The following LHFPL6 variants were observed in gnomAD, a reference collection of about 807,000 sequenced individuals.
The protein encoded by LHFPL6 is LHFPL tetraspan subfamily member 6.
In LHFPL6, 9 loss-of-function variants were observed where a neutral mutation model predicts 20.6. The ratio of observed to expected loss-of-function variants is 0.44; its 90% CI spans 0.26 to 0.76. LHFPL6 has a LOEUF of 0.76. LHFPL6 is among the 30% of genes least tolerant of loss of function. The pLI is 0.20. For synonymous variants in LHFPL6, 105 were observed against 98.7 expected, an observed-to-expected ratio of 1.06 and a Z score of -0.38; for missense variants, 218 against 253.5, an observed-to-expected ratio of 0.86 and a Z score of 0.95.
intron 2 of LHFPL6, among the ~76,000 whole-genome samples, chr13:39,400,558 C>A (rs972872347): frequency 6.6e-6 from 1 of 151,660 alleles, no homozygotes; most frequent in East Asian, 1.9e-4. Context: ...CCGAGGCGGG[C>A]GGATCACGAG....
At chr13:39,542,995 C>T (rs958103057) in intron 2 of LHFPL6, among the ~76,000 whole-genome samples, 23 of 152,274 alleles carry the variant, frequency 1.5e-4, no homozygotes, top group Non-Finnish European at 2.9e-4. Flanking sequence ...AAACTCTGTA[C>T]CAGTTAAACA....
At chr13:39,551,584 T>C (rs1338059022) in intron 2 of LHFPL6, among the ~76,000 whole-genome samples, 1 of 152,222 alleles carries the variant, frequency 6.6e-6, no homozygotes, top group South Asian at 2.1e-4. Flanking sequence ...CTAGCTCCAC[T>C]GCCTTCCCTT....
chr13:39,546,324 T>C (rs1593357652), intron 2 of LHFPL6, among the ~76,000 whole-genome samples: 1 of 152,152 alleles, frequency 6.6e-6, no homozygotes, highest in South Asian at 2.1e-4. Flanking sequence ...TGATCCTTTA[T>C]AAAAATGTAG....
At chr13:39,407,737 G>T (rs982943407) in intron 2 of LHFPL6, among the ~76,000 whole-genome samples, 24 of 152,258 alleles carry the variant, frequency 1.6e-4, no homozygotes, top group African/African-American at 5.3e-4. Context: ...TCATATACAA[G>T]TACACAGAAC....
At chr13:39,593,467 A>T (rs946264920) in intron 2 of LHFPL6, among the ~76,000 whole-genome samples, 30 of 152,198 alleles carry the variant, frequency 2.0e-4, no homozygotes, top group African/African-American at 6.5e-4. Context: ...ATAAAAGAGG[A>T]TACAAACAAA....
chr13:39,568,088 T>A (rs1479523186), intron 2 of LHFPL6, among the ~76,000 whole-genome samples: 2 of 152,326 alleles, frequency 1.3e-5, no homozygotes, highest in South Asian at 2.1e-4. Context: ...CTTGCCAATG[T>A]TAAATACCAT....
At position 39,354,507 on chromosome 13, in the gene LHFPL6, G is replaced by A. The variant is rs144343610; in HGVS notation, c.485-10453C>T. On this transcript the variant is annotated intron_variant, in intron 3 of 3. Coordinates refer to ENST00000379589, the MANE Select transcript of LHFPL6 (RefSeq NM_005780.3). Reference sequence around the variant, plus strand: ...AGGGTCTCCTTACTTCCAAATGACCGTACTAGCTCTCCGGAAATGGTTGCT... The same window carrying A: ...AGGGTCTCCTTACTTCCAAATGACCATACTAGCTCTCCGGAAATGGTTGCT... 9.6e-3 allele frequency among the ~76,000 whole-genome samples: 1,469 copies of A among 152,274 alleles called. 15 individuals carry two copies. Among genetic ancestry groups the A allele is most frequent in the Middle Eastern group, 0.02 (6 of 294 alleles).
chr13:39,555,517 C>T (rs1871279814), intron 2 of LHFPL6, among the ~76,000 whole-genome samples: 1 of 152,144 alleles, frequency 6.6e-6, no homozygotes, highest in Non-Finnish European at 1.5e-5. Flanking sequence ...CTCTGGGTCA[C>T]TATTTCCTCA....
chr13:39,351,106 G>A (rs1380981837), intron 3 of LHFPL6, among the ~76,000 whole-genome samples: 8 of 151,972 alleles, frequency 5.3e-5, no homozygotes, highest in Admixed American at 2.0e-4. Context: ...TGTTCTATTC[G>A]GGCACTCAGT....
chr13:39,437,888 C>T (rs539484616), intron 2 of LHFPL6, among the ~76,000 whole-genome samples: 6 of 135,272 alleles, frequency 4.4e-5, no homozygotes, highest in East Asian at 4.2e-4. Flanking sequence ...GGTGACAGAG[C>T]GAGACTCCGT....
chr13:39,440,956 CT>C (rs2138413573), intron 2 of LHFPL6, among the ~76,000 whole-genome samples: 1 of 152,004 alleles, frequency 6.6e-6, no homozygotes, highest in East Asian at 1.9e-4. Context: ...TTAGATGTGC[CT>C]TTTACCTTCT....
intron 2 of LHFPL6, among the ~76,000 whole-genome samples, chr13:39,403,887 T>C (rs1871052003): frequency 6.6e-6 from 1 of 152,232 alleles, no homozygotes; most frequent in African/African-American, 2.4e-5. Context: ...AAATGGCGTC[T>C]GTGGCTTGAT....
At chr13:39,483,396 C>T (rs1332175069) in intron 2 of LHFPL6, among the ~76,000 whole-genome samples, 1 of 152,034 alleles carries the variant, frequency 6.6e-6, no homozygotes, top group East Asian at 1.9e-4. Context: ...GTTTTCTTTG[C>T]CCCCTATCTC....
chr13:39,584,010 T>C (rs1274348862), intron 2 of LHFPL6, among the ~76,000 whole-genome samples: 3 of 152,194 alleles, frequency 2.0e-5, no homozygotes, highest in Non-Finnish European at 4.4e-5. Flanking sequence ...TCCTTAGGAA[T>C]GTCTTCCTTG....
At chr13:39,381,767 A>C (rs1449940989) in intron 2 of LHFPL6, among the ~76,000 whole-genome samples, 3 of 151,980 alleles carry the variant, frequency 2.0e-5, no homozygotes, top group African/African-American at 7.3e-5. Flanking sequence ...CAGCCTTCAG[A>C]ATCATGGCAG....
chr13:39,533,539 C>A (rs1317275055), intron 2 of LHFPL6, among the ~76,000 whole-genome samples: 1 of 152,160 alleles, frequency 6.6e-6, no homozygotes, highest in East Asian at 1.9e-4. Flanking sequence ...CACTTAGCTG[C>A]AAAGGAGGCT....
At chr13:39,509,353 C>T (rs1040974056) in intron 2 of LHFPL6, among the ~76,000 whole-genome samples, 2 of 151,876 alleles carry the variant, frequency 1.3e-5, no homozygotes, top group African/African-American at 4.8e-5. Context: ...TCTAAGAAAT[C>T]TTAGCCTAAC....
chr13:39,433,528 C>A (rs1871871962), intron 2 of LHFPL6, among the ~76,000 whole-genome samples: 1 of 152,170 alleles, frequency 6.6e-6, no homozygotes, highest in Non-Finnish European at 1.5e-5. Flanking sequence ...AAACTCCTGA[C>A]AAGGTTGCAG....
chr13:39,407,754 C>T (rs1451831062), intron 2 of LHFPL6, among the ~76,000 whole-genome samples: 1 of 152,126 alleles, frequency 6.6e-6, no homozygotes, highest in Non-Finnish European at 1.5e-5. Flanking sequence ...GAACATATAC[C>T]TTTGCACATA....
Sources: gnomAD v4.1 joint callset for allele counts (sites outside exome capture counted in the v4.1 genomes callset) on GRCh38, gnomAD v4.1.1 for gene constraint, MANE v1.5 for transcripts, NCBI Gene and HGNC (gene_info 2026-07-23, HGNC 2026-07-21) for gene names.